Variants in ANAPC4 observed in about 807,000 individuals in gnomAD.
ANAPC4 encodes the protein anaphase-promoting complex subunit 4.
In ANAPC4, 63 loss-of-function variants were observed where a neutral mutation model predicts 119.8. The observed-to-expected ratio is 0.53, with a 90% CI of 0.43 to 0.65. The LOEUF (loss-of-function observed/expected upper bound fraction) is 0.65. Ranked by LOEUF, ANAPC4 falls within the 30% of genes least tolerant of loss-of-function variation. ANAPC4 has a pLI of 0.00. For synonymous variants in ANAPC4, 283 were observed against 318.6 expected (o/e 0.89, Z 1.19); for missense variants, 716 against 945.1 (o/e 0.76, Z 3.18).
rs755396618 is a variant in ANAPC4, at chr4:25,418,323, G to A, written c.2368G>A (p.Ala790Thr). The A allele has an allele frequency of 2.0e-5, 32 of 1,613,870 alleles. No individual in the cohort carries two copies. In the East Asian group the frequency reaches 2.5e-4, roughly 12 times the overall value. ...AGAGAACCAACAAGCTGGTGCTGCC[G>A]CTTTAGCTCCAGAGATAGTCATTAA... ...EAENQQAGAA[A>T]LAPEIVIKVE... The change falls in exon 29 of 29, where the codon GCT becomes ACT. Residue 790 changes from alanine to threonine, a missense_variant. Physicochemically the swap from Ala to Thr is moderately conservative, Grantham distance 58. Coordinates refer to ENST00000315368, the MANE Select transcript of ANAPC4 (RefSeq NM_013367.3).
chr4:25,392,961 A>G (rs1722435056), intron 10 of ANAPC4, among the ~76,000 whole-genome samples: 2 of 152,200 alleles, frequency 1.3e-5, no homozygotes, highest in Admixed American at 1.3e-4. Flanking sequence ...TCGAGGGTGC[A>G]AGTGGAAGTG....
At chr4:25,404,328 T>C (rs1259323198) in intron 17 of ANAPC4, among the ~76,000 whole-genome samples, 1 of 152,196 alleles carries the variant, frequency 6.6e-6, no homozygotes, top group Admixed American at 6.5e-5. Context: ...ATGTTGTTAA[T>C]TGGAATAAAT....
chr4:25,417,473 AAC>A (rs1222856432), intron 27 of ANAPC4, 141 bp from the exon 28 acceptor site: 18 of 865,392 alleles, frequency 2.1e-5, no homozygotes, highest in Non-Finnish European at 3.0e-5. Flanking sequence ...CTTTTTTTCT[AAC>A]ACAACAGTTG....
At chr4:25,410,999 G>GTGAA (rs33984403) in intron 21 of ANAPC4, among the ~76,000 whole-genome samples, 54 of 150,646 alleles carry the variant, frequency 3.6e-4, no homozygotes, top group Middle Eastern at 3.5e-3. Flanking sequence ...TGCTGCTTCT[G>GTGAA]TGAATGAATG....
chr4:25,382,965 T>A (rs999502244), intron 3 of ANAPC4, among the ~76,000 whole-genome samples: 3 of 152,228 alleles, frequency 2.0e-5, no homozygotes, highest in Admixed American at 6.5e-5. Context: ...TATTTTCTGC[T>A]TGACAACAGG....
intron 4 of ANAPC4, among the ~76,000 whole-genome samples, chr4:25,385,028 T>C (rs1421441260): frequency 1.3e-5 from 2 of 152,228 alleles, no homozygotes; most frequent in East Asian, 1.9e-4. Context: ...TAAACAGATA[T>C]GCTGTCATTT....
intron 2 of ANAPC4, among the ~76,000 whole-genome samples, chr4:25,379,115 G>A (rs1560426435): frequency 6.6e-6 from 1 of 152,296 alleles, no homozygotes; most frequent in East Asian, 1.9e-4. Flanking sequence ...TGGATGGAAA[G>A]TGGGAAGTTT....
chr4:25,378,601 T>TA (rs1163581318), intron 2 of ANAPC4, among the ~76,000 whole-genome samples: 2 of 152,238 alleles, frequency 1.3e-5, no homozygotes. Flanking sequence ...AGGGCACTGT[T>TA]ACATCCATTT....
Position 25,413,662 on chromosome 4 carries a change from C to A in ANAPC4, c.1543C>A (p.Pro515Thr). ...SHLKESPLLF[P>T]YYPRKSLHFV... ...GAAACCAGAAAGTCCTTTGCTGTTTCCTTATTATCCTCGAAAATCATTGCA... is the reference window on the plus strand; with the variant it reads ...GAAACCAGAAAGTCCTTTGCTGTTTACTTATTATCCTCGAAAATCATTGCA... The change falls in exon 22 of 29, where the codon CCT (proline) becomes ACT (threonine). Residue 515 changes from proline (P) to threonine (T), a missense_variant. Around this residue, in one of 3 missense-constraint regions of ANAPC4, gnomAD observed 504 missense variants for 615.8 expected, o/e 0.82. Coordinates refer to ENST00000315368, the MANE Select transcript of ANAPC4 (RefSeq NM_013367.3). 2.5e-6 allele frequency: 4 copies of A among 1,612,806 alleles called. No individual in the cohort carries two copies. The highest frequency in any genetic ancestry group is 1.1e-5 in the South Asian group (1 of 90,834).
In ANAPC4 at chr4:25,414,407, A is replaced by C. The variant is rs373992714; in HGVS notation, c.1685+22A>C. 5 of 1,598,580 alleles carry C rather than the reference A, an allele frequency of 3.1e-6. No homozygotes were observed. In the African/African-American group the frequency reaches 6.7e-5, roughly 22 times the overall value. On this transcript the variant is annotated intron_variant, in intron 23 of 28. Transcript: ENST00000315368. The stretch of plus-strand genomic sequence containing the variant: ...GAAGGTAATTCTGTTTACCTATTGG[A>C]TGGTGTAATTCCGCAGCCAATTTAA...
chr4:25,414,289 G>A (rs767481989), intron 22 of ANAPC4, 35 bp from the exon 23 acceptor site: 26 of 1,374,828 alleles, frequency 1.9e-5, no homozygotes, highest in East Asian at 1.8e-4. Flanking sequence ...GCATATTAAC[G>A]CTCTAATTAT....
chr4:25,379,385 C>G (rs966115691), intron 2 of ANAPC4, among the ~76,000 whole-genome samples: 1 of 152,088 alleles, frequency 6.6e-6, no homozygotes, highest in East Asian at 1.9e-4. Flanking sequence ...GCAATTAAGA[C>G]GGATAGCGAG....
Position 25,383,402 on chromosome 4 carries a change from A to G in ANAPC4, c.368+9A>G. On this transcript the variant is annotated intron_variant, in intron 4 of 28. Transcript: ENST00000315368. Reference sequence around the variant, plus strand: ...GTGACAGTAGAAAGCAGGTAATTAGAAAAACTTATGTAGTCATAGGGTATT... The same window carrying G: ...GTGACAGTAGAAAGCAGGTAATTAGGAAAACTTATGTAGTCATAGGGTATT... 2 of 1,597,534 alleles carry G rather than the reference A, an allele frequency of 1.3e-6. No homozygotes were observed. The highest frequency in any genetic ancestry group is 1.2e-5 in the South Asian group (1 of 86,446).
At chr4:25,398,416 G>T (rs945733314) in intron 16 of ANAPC4, among the ~76,000 whole-genome samples, 1 of 152,136 alleles carries the variant, frequency 6.6e-6, no homozygotes, top group African/African-American at 2.4e-5. Context: ...GTTGATATTT[G>T]GGGGTGGAAG....
chr4:25,392,460 T>C, intron 10 of ANAPC4, 39 bp downstream of exon 10: 1 of 1,508,204 alleles, frequency 6.6e-7, no homozygotes, highest in Non-Finnish European at 9.2e-7. Context: ...ATATTTATTA[T>C]CGGCTTCTAA....
intron 4 of ANAPC4, among the ~76,000 whole-genome samples, chr4:25,388,168 G>A (rs1226406726): frequency 6.6e-6 from 1 of 152,148 alleles, no homozygotes; most frequent in East Asian, 1.9e-4. Flanking sequence ...TTTGGTGTGA[G>A]TTCTTAAATG....
rs1490954437 is a variant in ANAPC4 at position 25,394,281 on chromosome 4, A to G, written c.877-29A>G. The stretch of plus-strand genomic sequence containing the variant: ...TGCTTATAATTTAAGAAATACATAT[A>G]TCACAATTTTTTTTTCACTTTTTTC... On this transcript the variant is annotated intron_variant, in intron 11 of 28. Coordinates refer to ENST00000315368, the MANE Select transcript of ANAPC4 (RefSeq NM_013367.3). The G allele has an allele frequency of 3.2e-6, 5 of 1,553,202 alleles. No homozygotes were observed. In the Admixed American group the frequency reaches 6.2e-5, roughly 19 times the overall value.
intron 4 of ANAPC4, among the ~76,000 whole-genome samples, chr4:25,387,087 T>A (rs544228853): frequency 1.3e-5 from 2 of 152,176 alleles, no homozygotes; most frequent in African/African-American, 4.8e-5. Flanking sequence ...AAATGCTAAG[T>A]TGAGCATTCT....
chr4:25,390,952 G>C lies in ANAPC4; in HGVS notation c.642G>C (p.Leu214Phe). The change falls in exon 9 of 29, where the codon TTG becomes TTC. Residue 214 changes from leucine to phenylalanine, a missense_variant. By Grantham distance (22) the Leu-to-Phe change is conservative. Around this residue, in one of 3 missense-constraint regions of ANAPC4, gnomAD observed 202 missense variants for 293.5 expected, o/e 0.69. Coordinates refer to ENST00000315368, the MANE Select transcript of ANAPC4 (RefSeq NM_013367.3). ...TCLALCLSSDLKSLSVVTEVS... is the reference protein window; with the variant it reads ...TCLALCLSSDFKSLSVVTEVS... Reference sequence around the variant, plus strand: ...TTGCATTATGTTTATCAAGTGATTTGAAATCATTATCAGTGGTCACAGAAG... The same window carrying C: ...TTGCATTATGTTTATCAAGTGATTTCAAATCATTATCAGTGGTCACAGAAG... The C allele has an allele frequency of 6.2e-7, 1 of 1,613,878 alleles. No homozygotes were observed. The highest frequency in any genetic ancestry group is 8.5e-7 in the Non-Finnish European group (1 of 1,179,884).
Sources: gnomAD v4.1 joint callset for allele counts (sites outside exome capture counted in the v4.1 genomes callset) on GRCh38, gnomAD v4.1.1 for gene constraint, gnomAD v4.1.1 regional missense constraint, MANE v1.5 for transcripts, NCBI Gene and HGNC (gene_info 2026-07-23, HGNC 2026-07-21) for gene names.